The following UNC5D variants were observed in gnomAD, a reference collection of about 807,000 sequenced individuals.
UNC5D encodes the protein netrin receptor UNC5D.
Under a neutral mutation model 105.4 loss-of-function variants are expected in UNC5D, and 39 were observed. That is an observed-to-expected ratio of 0.37 (90% confidence interval 0.29 to 0.48). The LOEUF is 0.48. Among genes scored for constraint, UNC5D ranks in the 20% least tolerant of loss-of-function variants. The pLI is 0.98. For synonymous variants in UNC5D, 452 were observed against 450.4 expected (o/e 1.00, Z -0.04); for missense variants, 991 against 1,202.4 (o/e 0.82, Z 2.60).
At chr8:35,768,919 T>C (rs2131720012) in intron 15 of UNC5D, among the ~76,000 whole-genome samples, 1 of 152,328 alleles carries the variant, frequency 6.6e-6, no homozygotes, top group South Asian at 2.1e-4. Flanking sequence ...TTAGAGGCTT[T>C]ATTAACCCTT....
chr8:35,314,399 A>G (rs1809124863), intron 1 of UNC5D, among the ~76,000 whole-genome samples: 2 of 152,150 alleles, frequency 1.3e-5, no homozygotes, highest in South Asian at 4.1e-4. Context: ...GCCTACTTCC[A>G]TTCAATTTTT....
At chr8:35,565,790 C>T (rs1298803834) in intron 2 of UNC5D, among the ~76,000 whole-genome samples, 3 of 152,136 alleles carry the variant, frequency 2.0e-5, no homozygotes, top group African/African-American at 7.2e-5. Context: ...ATTTGGTGAT[C>T]CAGTTTACCC....
In UNC5D at chr8:35,429,058, A is replaced by T. The variant is rs545965716; in HGVS notation, c.104-120234A>T. On this transcript the variant is annotated intron_variant, in intron 1 of 16. Transcript: ENST00000404895. ...GTTAAATGGAAAATATGGTAGCTAC[A>T]TCCATAAAAGTGAGATCTGCTTGCT... Among the ~76,000 whole-genome samples the T allele has an allele frequency of 3.9e-5, 6 of 152,344 alleles. No individual in the cohort carries two copies. In the South Asian group the frequency reaches 1.0e-3, roughly 26 times the overall value.
At chr8:35,763,247 T>A (rs998461042) in intron 14 of UNC5D, among the ~76,000 whole-genome samples, 1 of 152,204 alleles carries the variant, frequency 6.6e-6, no homozygotes, top group Non-Finnish European at 1.5e-5. Flanking sequence ...TGGATTGTGT[T>A]CAATGGAATG....
At chr8:35,442,330 C>T (rs1807461568) in intron 1 of UNC5D, among the ~76,000 whole-genome samples, 1 of 151,832 alleles carries the variant, frequency 6.6e-6, no homozygotes, top group Non-Finnish European at 1.5e-5. Flanking sequence ...TTATACACCA[C>T]ACTAGGTAAA....
chr8:35,719,358 G>A (rs1828442354), intron 8 of UNC5D, among the ~76,000 whole-genome samples: 1 of 152,150 alleles, frequency 6.6e-6, no homozygotes, highest in East Asian at 1.9e-4. Flanking sequence ...ACAATGGGAT[G>A]GAGGTGTGGG....
chr8:35,337,669 C>T (rs1330721269), intron 1 of UNC5D, among the ~76,000 whole-genome samples: 1 of 152,032 alleles, frequency 6.6e-6, no homozygotes, highest in Non-Finnish European at 1.5e-5. Flanking sequence ...TTCTCTCAAG[C>T]AAACTCAACT....
At chr8:35,632,555 C>T (rs1332329038) in intron 4 of UNC5D, among the ~76,000 whole-genome samples, 4 of 152,248 alleles carry the variant, frequency 2.6e-5, no homozygotes, top group African/African-American at 4.8e-5. Context: ...CAGCTGGGGC[C>T]TCATCCCTGT....
At chr8:35,715,722 A>C (rs969468256) in intron 8 of UNC5D, among the ~76,000 whole-genome samples, 1 of 152,126 alleles carries the variant, frequency 6.6e-6, no homozygotes, top group African/African-American at 2.4e-5. Context: ...TGGAGGAAAA[A>C]TTTGAAGATG....
chr8:35,400,907 A>C (rs971818272), intron 1 of UNC5D, among the ~76,000 whole-genome samples: 4 of 152,150 alleles, frequency 2.6e-5, no homozygotes, highest in African/African-American at 9.7e-5. Context: ...TGGAGGGGGC[A>C]TGTATATAAC....
In UNC5D at chr8:35,235,761, G is replaced by T; in HGVS notation, c.-24G>T. The T allele has an allele frequency of 5.7e-6, 7 of 1,228,910 alleles. No individual in the cohort carries two copies. Among genetic ancestry groups the T allele is most frequent in the Non-Finnish European group, 7.1e-6 (7 of 985,032 alleles). 76.1% of individuals were successfully genotyped at this position (1,228,910 alleles called of 1,614,324 possible). ...GGCTCCCGGAGCGTGAAGAAGAGCCGCCCTCCGGAACGCGGCGAGGAGCAT... is the reference window on the plus strand; with the variant it reads ...GGCTCCCGGAGCGTGAAGAAGAGCCTCCCTCCGGAACGCGGCGAGGAGCAT... On this transcript the variant is annotated 5_prime_UTR_variant, in exon 1 of 17. Coordinates refer to ENST00000404895, the MANE Select transcript of UNC5D (RefSeq NM_080872.4).
chr8:35,335,939 A>G (rs943872404), intron 1 of UNC5D, among the ~76,000 whole-genome samples: 1 of 151,522 alleles, frequency 6.6e-6, no homozygotes, highest in Non-Finnish European at 1.5e-5. Flanking sequence ...AATTTTTTGT[A>G]TTTTTAGTAG....
chr8:35,555,299 C>G (rs1431528590), intron 2 of UNC5D, among the ~76,000 whole-genome samples: 2 of 152,118 alleles, frequency 1.3e-5, no homozygotes, highest in East Asian at 3.9e-4. Flanking sequence ...TATGAATTCC[C>G]TACATAAACT....
At chr8:35,607,484 C>T (rs1157650557) in intron 4 of UNC5D, among the ~76,000 whole-genome samples, 2 of 152,036 alleles carry the variant, frequency 1.3e-5, no homozygotes, top group East Asian at 1.9e-4. Context: ...CTTTGGTGTC[C>T]CTTGGCTTGT....
At chr8:35,300,526 A>C (rs6996861) in intron 1 of UNC5D, among the ~76,000 whole-genome samples, 114,908 of 140,792 alleles carry the variant, frequency 0.82, 47,379 homozygotes, top group East Asian at 0.99. Context: ...TTAAAAATAA[A>C]TAAAATTAAC....
At chr8:35,677,373 G>A (rs2131308083) in intron 4 of UNC5D, among the ~76,000 whole-genome samples, 1 of 152,222 alleles carries the variant, frequency 6.6e-6, no homozygotes, top group East Asian at 1.9e-4. Flanking sequence ...TGCAAGCAGT[G>A]CTCGTGGGGG....
At chr8:35,460,910 T>G (rs1334905258) in intron 1 of UNC5D, among the ~76,000 whole-genome samples, 1 of 152,254 alleles carries the variant, frequency 6.6e-6, no homozygotes, top group Non-Finnish European at 1.5e-5. Context: ...TCTAACTTCC[T>G]CCATCCAGTG....
chr8:35,736,764 A>G (rs1206811682), intron 11 of UNC5D, among the ~76,000 whole-genome samples: 1 of 152,240 alleles, frequency 6.6e-6, no homozygotes, highest in Admixed American at 6.5e-5. Flanking sequence ...GCACAGAGGT[A>G]TAAATAGCAT....
At chr8:35,253,358 C>T (rs2128813511) in intron 1 of UNC5D, among the ~76,000 whole-genome samples, 1 of 150,328 alleles carries the variant, frequency 6.7e-6, no homozygotes, top group South Asian at 2.1e-4. Flanking sequence ...TGATAACAGT[C>T]TTCCATACTT....
Sources: gnomAD v4.1 joint callset for allele counts (sites outside exome capture counted in the v4.1 genomes callset) on GRCh38, gnomAD v4.1.1 for gene constraint, MANE v1.5 for transcripts, NCBI Gene and HGNC (gene_info 2026-07-23, HGNC 2026-07-21) for gene names.